MCF2L: variants seen among roughly 807,000 people sequenced by gnomAD.
The protein encoded by MCF2L is guanine nucleotide exchange factor DBS.
In MCF2L, 97 loss-of-function variants were observed where a neutral mutation model predicts 153.4. That is an observed-to-expected ratio of 0.63 (90% confidence interval 0.54 to 0.75). MCF2L has a LOEUF of 0.75. Among genes scored for constraint, MCF2L ranks in the 30% least tolerant of loss-of-function variants. The probability of loss-of-function intolerance (pLI) is 0.00; values close to 1 mark genes in which losing one functional copy is unlikely to be tolerated. For synonymous variants in MCF2L, 659 were observed against 632.2 expected (o/e 1.04, Z -0.64); for missense variants, 1,347 against 1,495.2 (o/e 0.90, Z 1.64).
At chr13:113,044,727 G>A (rs769980449) in intron 3 of MCF2L, 32 of 1,612,918 alleles carry the variant, frequency 2.0e-5, no homozygotes, top group Non-Finnish European at 2.5e-5. Flanking sequence ...TGTCACAGAT[G>A]TGGCTGTCGC....
At chr13:113,081,340 GC>G in intron 16 of MCF2L, 61 bp downstream of exon 16, 1 of 1,483,114 alleles carries the variant, frequency 6.7e-7, no homozygotes, top group Non-Finnish European at 9.1e-7. Flanking sequence ...AGCTGGTGGG[GC>G]TTCCTCTGAC....
intron 1 of MCF2L, among the ~76,000 whole-genome samples, chr13:112,989,894 C>T (rs2082832033): frequency 6.6e-6 from 1 of 152,252 alleles, no homozygotes; most frequent in African/African-American, 2.4e-5. Context: ...GGGATGGTTT[C>T]AGGGTGAAAC....
intron 2 of MCF2L, among the ~76,000 whole-genome samples, chr13:112,912,007 G>T (rs1273484390): frequency 6.6e-6 from 1 of 152,206 alleles, no homozygotes; most frequent in East Asian, 1.9e-4. Flanking sequence ...TGTCTTCATT[G>T]AGTAAGTTCT....
intron 1 of MCF2L, among the ~76,000 whole-genome samples, chr13:113,012,424 G>A (rs2084209433): frequency 8.8e-6 from 1 of 113,958 alleles, no homozygotes; most frequent in African/African-American, 3.1e-5. Context: ...TGGACAGGCA[G>A]TGTGGACGGT....
At position 113,035,728 on chromosome 13, in the gene MCF2L, T is replaced by A. The variant is rs1019105901; in HGVS notation, c.279-9543T>A. Among the ~76,000 whole-genome samples, 8 of 152,210 alleles carry A rather than the reference T, an allele frequency of 5.3e-5. No homozygotes were observed. The highest frequency in any genetic ancestry group is 1.9e-4 in the African/African-American group (8 of 41,452). On this transcript the variant is annotated intron_variant, in intron 3 of 29. Transcript: ENST00000535094. This position sits in a 1 kb window ranked among gnomAD's most constrained non-coding sequence, Gnocchi z 4.4. ...GAGGATGGAGATTTTAAGGTCTTACTGTGGTGTGAGCGATCAGAGACCCCA... is the reference window on the plus strand; with the variant it reads ...GAGGATGGAGATTTTAAGGTCTTACAGTGGTGTGAGCGATCAGAGACCCCA...
intron 2 of MCF2L, among the ~76,000 whole-genome samples, chr13:112,944,066 G>A (rs2081608181): frequency 6.7e-6 from 1 of 148,442 alleles, no homozygotes; most frequent in Non-Finnish European, 1.5e-5. Context: ...GCTGTGGGGG[G>A]AGCGTCTTGG....
Position 113,079,818 on chromosome 13 carries a change from T to TCCAGGTAGAAGGCTATCCGCAC in MCF2L, c.1808+1079_1808+1080insCCAGGTAGAAGGCTATCCGCAC, listed in dbSNP as rs2033916976. 3.6e-4 allele frequency among the ~76,000 whole-genome samples: 24 copies of TCCAGGTAGAAGGCTATCCGCAC among 66,744 alleles called. 3 individuals carry two copies. The highest frequency in any genetic ancestry group is 1.1e-3 in the South Asian group (2 of 1,844). The allele number at this position is 66,744 out of a possible 152,430, so 43.8% of individuals were successfully genotyped here. A position where few individuals can be genotyped will look rare whatever the true frequency, so the allele number is the denominator to read the frequency against. The stretch of plus-strand genomic sequence containing the variant: ...GGGTCCAGGCAGAGGAATGTCTGAA[T>TCCAGGTAGAAGGCTATCCGCAC]GGAGGAGGGTCCAGGCAGAGGAGAG... On this transcript the variant is annotated intron_variant, in intron 15 of 29. Coordinates refer to ENST00000535094, the MANE Select transcript of MCF2L (RefSeq NM_001112732.3).
At position 112,923,339 on chromosome 13, in the gene MCF2L, C is replaced by G. The variant is rs564728285; in HGVS notation, c.169+20968C>G. 2.1e-5 allele frequency among the ~76,000 whole-genome samples: 3 copies of G among 142,846 alleles called. No individual in the cohort carries two copies. The East Asian group carries it at 6.3e-4, about 30-fold the overall frequency. The allele number at this position is 142,846 out of a possible 152,430, so 93.7% of individuals were successfully genotyped here. ...AGTACAGTGGCAAGATCTCGGCTCACTGCAAGCTCCGCCTCCTGGGTTGAC... is the reference window on the plus strand; with the variant it reads ...AGTACAGTGGCAAGATCTCGGCTCAGTGCAAGCTCCGCCTCCTGGGTTGAC... On this transcript the variant is annotated intron_variant, in intron 2 of 29. Transcript: ENST00000375608.
At chr13:113,055,692 G>GC (rs2087717496) in intron 4 of MCF2L, among the ~76,000 whole-genome samples, 1 of 152,186 alleles carries the variant, frequency 6.6e-6, no homozygotes, top group Admixed American at 6.5e-5. Flanking sequence ...CTGCCCAGGC[G>GC]CCTCGTCCAC....
intron 1 of MCF2L, among the ~76,000 whole-genome samples, chr13:112,981,688 G>T (rs550549551): frequency 6.6e-6 from 1 of 152,370 alleles, no homozygotes; most frequent in African/African-American, 2.4e-5. Flanking sequence ...ACACCCCGAG[G>T]CACAGGCAGG....
chr13:112,971,301 C>G (rs920702253), intron 1 of MCF2L, among the ~76,000 whole-genome samples: 4 of 152,156 alleles, frequency 2.6e-5, no homozygotes, highest in Admixed American at 2.0e-4. Flanking sequence ...GGAGAGTTCC[C>G]CACCTGCAGC....
intron 2 of MCF2L, among the ~76,000 whole-genome samples, chr13:112,947,581 C>T: frequency 6.6e-6 from 1 of 152,190 alleles, no homozygotes; most frequent in East Asian, 1.9e-4. Context: ...CCAAGTAAGT[C>T]CAAAACTCAA....
chr13:113,091,123 TCTC>T (rs1199805419), intron 26 of MCF2L: 17 of 1,304,222 alleles, frequency 1.3e-5, no homozygotes, highest in Non-Finnish European at 1.4e-5. Context: ...TCTTGCAGCT[TCTC>T]CTACCAGTCC....
intron 2 of MCF2L, among the ~76,000 whole-genome samples, chr13:112,921,688 A>G (rs2081354507): frequency 6.6e-6 from 1 of 152,232 alleles, no homozygotes; most frequent in South Asian, 2.1e-4. Context: ...TCCCAGGGAT[A>G]TGAATAATAC....
chr13:113,013,975 T>C (rs1269967342), intron 1 of MCF2L, among the ~76,000 whole-genome samples: 2 of 150,202 alleles, frequency 1.3e-5, no homozygotes, highest in Non-Finnish European at 2.9e-5. Context: ...GATGCTGGCC[T>C]AGTGCTCCCA....
Position 112,900,348 on chromosome 13 carries a change from C to G in MCF2L, c.-4-1851C>G, listed in dbSNP as rs140068297. ...GACAAGGTGGTGAGCACAGCTGGGT[C>G]CCAGTGCCAGCCACTGAGGGTGGGC... On this transcript the variant is annotated intron_variant, in intron 1 of 29. Coordinates refer to the MCF2L transcript ENST00000375608. Among the ~76,000 whole-genome samples the G allele has an allele frequency of 2.8e-3, 432 of 152,344 alleles. 3 individuals carry two copies. The highest frequency in any genetic ancestry group is 0.01 in the African/African-American group (418 of 41,580).
At chr13:112,929,093 C>T (rs565746464) in intron 2 of MCF2L, among the ~76,000 whole-genome samples, 2 of 152,344 alleles carry the variant, frequency 1.3e-5, no homozygotes, top group African/African-American at 4.8e-5. Context: ...GGCCTCCCAG[C>T]GGGGAGGGAG....
chr13:113,075,471 G>A (rs1296300186), intron 11 of MCF2L, among the ~76,000 whole-genome samples: 1 of 151,640 alleles, frequency 6.6e-6, no homozygotes, highest in Non-Finnish European at 1.5e-5. Context: ...GACTGTAGGT[G>A]CATGCCACCG....
intron 1 of MCF2L, among the ~76,000 whole-genome samples, chr13:113,002,338 C>T (rs918997733): frequency 2.6e-5 from 4 of 152,232 alleles, no homozygotes; most frequent in African/African-American, 7.2e-5. Flanking sequence ...CTCCTTTGTT[C>T]GAGGTTTTTC....
Sources: allele counts gnomAD v4.1 joint callset (sites outside exome capture counted in the v4.1 genomes callset), GRCh38; gene constraint gnomAD v4.1.1; non-coding constraint Gnocchi (gnomAD v3.1); transcripts MANE v1.5; gene names NCBI Gene and HGNC (gene_info 2026-07-23, HGNC 2026-07-21).